The following FHIT variants were observed in gnomAD, a reference collection of about 807,000 sequenced individuals.
FHIT encodes the protein fragile histidine triad diadenosine triphosphatase.
Under a neutral mutation model 17.9 loss-of-function variants are expected in FHIT, and 19 were observed. That is an observed-to-expected ratio of 1.06 (90% CI 0.74 to 1.56). The LOEUF (loss-of-function observed/expected upper bound fraction) is 1.56, where lower values mean the gene tolerates loss of function less well. Among genes scored for constraint, FHIT ranks in the 40% most tolerant of loss-of-function variants. The pLI is 0.00. For synonymous variants in FHIT, 81 were observed against 69.7 expected (o/e 1.16, Z -0.81); for missense variants, 248 against 189.2 (o/e 1.31, Z -1.82).
rs186587717 is a variant in FHIT, at chr3:60,747,433, A to T, written c.-18+74486T>A. Among the ~76,000 whole-genome samples the T allele has an allele frequency of 3.5e-3, 532 of 152,262 alleles. 2 individuals carry two copies. The highest frequency in any genetic ancestry group is 0.012 in the African/African-American group (501 of 41,544). ...GAGGCTAAGACGTTATCATGTTTGTATCCCCAGCCCCTAGCACACCATGAA... is the reference window on the plus strand; with the variant it reads ...GAGGCTAAGACGTTATCATGTTTGTTTCCCCAGCCCCTAGCACACCATGAA... On this transcript the variant is annotated intron_variant, in intron 4 of 9. Coordinates refer to ENST00000492590, the MANE Select transcript of FHIT (RefSeq NM_002012.4).
chr3:60,800,587 T>G (rs927109746), intron 4 of FHIT, among the ~76,000 whole-genome samples: 16 of 152,180 alleles, frequency 1.1e-4, no homozygotes, highest in African/African-American at 3.6e-4. Context: ...AAGGGTATCT[T>G]AAATCAGATT....
At chr3:59,777,008 G>C (rs553087517) in intron 8 of FHIT, among the ~76,000 whole-genome samples, 4 of 152,220 alleles carry the variant, frequency 2.6e-5, no homozygotes, top group African/African-American at 7.2e-5. Flanking sequence ...ACCTCATTTT[G>C]TTCCAGTGTC....
intron 5 of FHIT, among the ~76,000 whole-genome samples, chr3:60,318,652 G>T (rs890429612): frequency 6.6e-6 from 1 of 152,130 alleles, no homozygotes; most frequent in Admixed American, 6.5e-5. Context: ...CGAGTCAGCA[G>T]AATCGTATAG....
chr3:60,817,079 C>T (rs573519592), intron 4 of FHIT, among the ~76,000 whole-genome samples: 16 of 152,044 alleles, frequency 1.1e-4, no homozygotes, highest in Non-Finnish European at 2.2e-4. Flanking sequence ...TGATCTTTCA[C>T]AGTCTACTTA....
At chr3:59,869,484 C>CTATTTTTTTTT (rs1702812819) in intron 8 of FHIT, among the ~76,000 whole-genome samples, 1 of 105,488 alleles carries the variant, frequency 9.5e-6, no homozygotes, top group Admixed American at 9.7e-5. Flanking sequence ...AAAGAACATC[C>CTATTTTTTTTT]TTTTTTTTTT....
intron 5 of FHIT, among the ~76,000 whole-genome samples, chr3:60,293,657 A>G (rs377017204): frequency 1.3e-5 from 2 of 152,290 alleles, no homozygotes; most frequent in East Asian, 1.9e-4. Context: ...GTTTAATGCC[A>G]TAAAAAGTAT....
chr3:59,826,264 C>T (rs764571315), intron 8 of FHIT, among the ~76,000 whole-genome samples: 2 of 152,094 alleles, frequency 1.3e-5, no homozygotes, highest in African/African-American at 4.8e-5. Context: ...ACTACAGTTG[C>T]GCACCACCAC....
In FHIT at chr3:60,016,353, CAAG is replaced by C. The variant is rs148732455; in HGVS notation, c.104-2204_104-2202del. Among the ~76,000 whole-genome samples, 277 of 152,224 alleles carry C rather than the reference CAAG, an allele frequency of 1.8e-3. 1 individual carries two copies. In the Middle Eastern group the frequency reaches 0.02, roughly 11 times the overall value. On this transcript the variant is annotated intron_variant, in intron 5 of 9. Transcript: ENST00000492590. ...GTTATAATTTAGGTTGTATAGCTGA[CAAG>C]GAGATTTCTCACAGTAGATGAAAAC...
chr3:60,844,551 T>A (rs1379300475), intron 3 of FHIT, among the ~76,000 whole-genome samples: 6 of 152,166 alleles, frequency 3.9e-5, no homozygotes, highest in African/African-American at 1.2e-4. Flanking sequence ...GTGATAATTT[T>A]CCCCAATGAC....
At chr3:61,161,158 C>G (rs1033919671) in intron 2 of FHIT, among the ~76,000 whole-genome samples, 8 of 145,990 alleles carry the variant, frequency 5.5e-5, no homozygotes, top group African/African-American at 2.0e-4. Context: ...AAAAAAGATA[C>G]AGATTTCACA....
chr3:60,665,639 C>T (rs2040364487), intron 4 of FHIT, among the ~76,000 whole-genome samples: 1 of 151,828 alleles, frequency 6.6e-6, no homozygotes. Flanking sequence ...TTTTTCCACC[C>T]TTTTACTTTC....
chr3:60,225,043 G>A (rs1222267091), intron 5 of FHIT, among the ~76,000 whole-genome samples: 1 of 152,080 alleles, frequency 6.6e-6, no homozygotes, highest in African/African-American at 2.4e-5. Flanking sequence ...TTTTAAATCA[G>A]TACTGGAGTA....
intron 5 of FHIT, among the ~76,000 whole-genome samples, chr3:60,303,681 T>C (rs1298065854): frequency 1.3e-5 from 2 of 152,148 alleles, no homozygotes; most frequent in African/African-American, 2.4e-5. Flanking sequence ...AAGACAGCAG[T>C]AGACAATCGT....
At chr3:60,876,157 G>A (rs570481946) in intron 3 of FHIT, among the ~76,000 whole-genome samples, 4 of 152,090 alleles carry the variant, frequency 2.6e-5, no homozygotes, top group African/African-American at 9.6e-5. Context: ...TAGTAAGCAA[G>A]GGATTTTTCA....
At chr3:60,539,899 C>A (rs562635550) in intron 4 of FHIT, among the ~76,000 whole-genome samples, 1 of 151,028 alleles carries the variant, frequency 6.6e-6, no homozygotes, top group African/African-American at 2.4e-5. Context: ...ATGTAACAAA[C>A]CTGCATGTTG....
intron 2 of FHIT, among the ~76,000 whole-genome samples, chr3:61,105,496 GTC>G (rs1468620006): frequency 6.6e-6 from 1 of 152,030 alleles, no homozygotes; most frequent in Non-Finnish European, 1.5e-5. Flanking sequence ...CATGGTGAGA[GTC>G]TGCAAATTCT....
At chr3:59,800,993 G>A (rs1428752302) in intron 8 of FHIT, among the ~76,000 whole-genome samples, 1 of 152,154 alleles carries the variant, frequency 6.6e-6, no homozygotes, top group African/African-American at 2.4e-5. Context: ...AAGAGTTGTT[G>A]TACATTTCTT....
intron 7 of FHIT, among the ~76,000 whole-genome samples, chr3:59,955,879 G>T (rs1348995058): frequency 6.6e-6 from 1 of 152,102 alleles, no homozygotes; most frequent in Non-Finnish European, 1.5e-5. Flanking sequence ...CTCCACTCCT[G>T]TATCTCCACA....
intron 4 of FHIT, among the ~76,000 whole-genome samples, chr3:60,570,696 G>A (rs1279004681): frequency 3.5e-5 from 5 of 141,602 alleles, no homozygotes; most frequent in African/African-American, 1.3e-4. Context: ...CAGGGCAAGA[G>A]TTCTTTGAAG....
Sources: allele counts gnomAD v4.1 joint callset (sites outside exome capture counted in the v4.1 genomes callset), GRCh38; gene constraint gnomAD v4.1.1; transcripts MANE v1.5; gene names NCBI Gene and HGNC (gene_info 2026-07-23, HGNC 2026-07-21).